Variants in CHLSN observed in about 807,000 individuals in gnomAD.
CHLSN encodes the protein protein cholesin.
the CHLSN span, chr7:989,435 GC>G: frequency 6.5e-6 from 1 of 153,312 alleles, no homozygotes; most frequent in Non-Finnish European, 1.5e-5. Flanking sequence ...CTTCCTTGGG[GC>G]GGGGGGAGGG....
the CHLSN span, among the ~76,000 whole-genome samples, chr7:993,803 T>C: frequency 2.0e-5 from 3 of 151,930 alleles, no homozygotes; most frequent in African/African-American, 7.3e-5. Flanking sequence ...TCTTGGGGGC[T>C]TGGAGGGAGG....
At chr7:1,112,237 G>C in the CHLSN span, among the ~76,000 whole-genome samples, 4 of 152,332 alleles carry the variant, frequency 2.6e-5, no homozygotes, top group Non-Finnish European at 4.4e-5. Context: ...AGGATGGTCA[G>C]ATCTCCATGG....
At chr7:1,052,798 C>T in the CHLSN span, among the ~76,000 whole-genome samples, 1 of 152,094 alleles carries the variant, frequency 6.6e-6, no homozygotes, top group Non-Finnish European at 1.5e-5. The surrounding 1 kb of genome is among the most constrained non-coding windows in gnomAD (Gnocchi z 4.2). Flanking sequence ...TCAAGCCTGG[C>T]CCAAGAGGGA....
At chr7:1,107,876 A>G in the CHLSN span, among the ~76,000 whole-genome samples, 216 of 123,500 alleles carry the variant, frequency 1.7e-3, 1 homozygote, top group African/African-American at 5.8e-3. Flanking sequence ...GCTGTGTCCC[A>G]CACTGGAGAC....
At chr7:1,116,465 C>G in the CHLSN span, among the ~76,000 whole-genome samples, 2 of 105,998 alleles carry the variant, frequency 1.9e-5, no homozygotes, top group Admixed American at 9.3e-5. Context: ...ATGATGACAT[C>G]ACTGCAGTTC....
At chr7:1,080,537 C>T in the CHLSN span, among the ~76,000 whole-genome samples, 2 of 152,224 alleles carry the variant, frequency 1.3e-5, no homozygotes, top group African/African-American at 4.8e-5. Flanking sequence ...GAGGGAGGGG[C>T]TGACCACCCA....
the CHLSN span, chr7:986,585 G>T: frequency 6.2e-7 from 1 of 1,608,292 alleles, no homozygotes; most frequent in African/African-American, 1.3e-5. Flanking sequence ...CAGCCCTGGG[G>T]CTGCGTCCTT....
the CHLSN span, among the ~76,000 whole-genome samples, chr7:1,068,926 G>A: frequency 6.6e-6 from 1 of 152,226 alleles, no homozygotes; most frequent in African/African-American, 2.4e-5. Flanking sequence ...AGAGTACTCA[G>A]CCTGTGAGGA....
chr7:1,080,333 G>A, the CHLSN span, among the ~76,000 whole-genome samples: 712 of 152,380 alleles, frequency 4.7e-3, 5 homozygotes, highest in Admixed American at 8.8e-3. Flanking sequence ...CACAGACCGC[G>A]GCACAGCCCC....
At chr7:1,098,600 G>A in the CHLSN span, among the ~76,000 whole-genome samples, 1 of 152,156 alleles carries the variant, frequency 6.6e-6, no homozygotes, top group Non-Finnish European at 1.5e-5. Flanking sequence ...CACGCTCAGT[G>A]AGATAAAGCA....
chr7:1,027,735 C>CCCGACGAGCG, the CHLSN span, among the ~76,000 whole-genome samples: 8 of 152,264 alleles, frequency 5.3e-5, no homozygotes, highest in African/African-American at 1.9e-4. Context: ...CTTCCGAGCG[C>CCCGACGAGCG]CCGACGGGGT....
At chr7:1,094,333 C>A in the CHLSN span, among the ~76,000 whole-genome samples, 2 of 152,250 alleles carry the variant, frequency 1.3e-5, no homozygotes, top group African/African-American at 4.8e-5. Flanking sequence ...CAGAAACCTG[C>A]GCAGGGCGTC....
chr7:1,100,603 C>T, the CHLSN span, among the ~76,000 whole-genome samples: 2 of 152,162 alleles, frequency 1.3e-5, no homozygotes, highest in South Asian at 4.1e-4. Context: ...ACATGACCAG[C>T]CCCTGCCTTC....
At chr7:1,021,202 C>T in the CHLSN span, among the ~76,000 whole-genome samples, 1 of 151,536 alleles carries the variant, frequency 6.6e-6, no homozygotes, top group Admixed American at 6.6e-5. Flanking sequence ...TGGGGACCTC[C>T]AGACTGGGGA....
chr7:983,444 C>T, the CHLSN span: 96 of 1,364,422 alleles, frequency 7.0e-5, no homozygotes, highest in Middle Eastern at 2.7e-4. Flanking sequence ...TCCTGGCCCC[C>T]CTCCTGGGGA....
chr7:1,080,685 A>C, the CHLSN span, among the ~76,000 whole-genome samples: 1 of 152,260 alleles, frequency 6.6e-6, no homozygotes, highest in Non-Finnish European at 1.5e-5. Flanking sequence ...GATCATCTGA[A>C]AACTACAGGT....
chr7:1,013,826 G>A, the CHLSN span, among the ~76,000 whole-genome samples: 1 of 152,216 alleles, frequency 6.6e-6, no homozygotes, highest in African/African-American at 2.4e-5. Context: ...CAGACTTGAT[G>A]AAATACAGAC....
chr7:1,060,836 T>C, the CHLSN span, among the ~76,000 whole-genome samples: 3 of 152,336 alleles, frequency 2.0e-5, no homozygotes, highest in Admixed American at 6.5e-5. Context: ...GGTCCTGGGC[T>C]TCCCATCTCC....
the CHLSN span, among the ~76,000 whole-genome samples, chr7:1,040,690 C>CAA: frequency 2.9e-3 from 427 of 145,372 alleles, 8 homozygotes; most frequent in Admixed American, 0.023. Context: ...TTAAAAAGAA[C>CAA]AAAAAAAAAA....
Sources: allele counts gnomAD v4.1 joint callset (sites outside exome capture counted in the v4.1 genomes callset), GRCh38; gene constraint gnomAD v4.1.1; non-coding constraint Gnocchi (gnomAD v3.1); transcripts MANE v1.5; gene names NCBI Gene and HGNC (gene_info 2026-07-23, HGNC 2026-07-21).